Variants in TNNI3K observed in about 807,000 individuals in gnomAD.
TNNI3K encodes TNNI3 interacting kinase.
A neutral mutation model predicts 114.5 loss-of-function variants in TNNI3K; 140 were observed. That is an observed-to-expected ratio of 1.22 (90% CI 1.07 to 1.41). TNNI3K has a LOEUF of 1.41. Ranked by LOEUF, TNNI3K falls within the 40% of genes most tolerant of loss-of-function variation. The pLI is 0.00. For missense variants in TNNI3K, 1,125 were observed against 1,007.6 expected, an observed-to-expected ratio of 1.12 and a Z score of -1.58; for synonymous variants, 347 against 347.5, an observed-to-expected ratio of 1.00 and a Z score of 0.02.
chr1:74,491,924 A>T (rs1669097016), intron 22 of TNNI3K, among the ~76,000 whole-genome samples, 173 bp from the exon 23 acceptor site: 4 of 152,230 alleles, frequency 2.6e-5, no homozygotes, highest in Admixed American at 1.3e-4. Context: ...AAATTAAGCT[A>T]GGCAGATGTT....
Position 74,496,846 on chromosome 1 carries a change from A to G in TNNI3K, c.2351+4580A>G, listed in dbSNP as rs554338463. Among the ~76,000 whole-genome samples the G allele has an allele frequency of 3.0e-4, 45 of 152,324 alleles. 1 individual carries two copies. The South Asian group carries it at 5.0e-3, about 17-fold the overall frequency. ...CACAGGGTATGAAATCCCATCTTGT[A>G]CATGGATTACATCATGTAAATTTAG... On this transcript the variant is annotated intron_variant, in intron 23 of 24. Coordinates refer to ENST00000326637, the MANE Select transcript of TNNI3K (RefSeq NM_015978.3).
In TNNI3K at chr1:74,287,269, A is replaced by G. The variant is rs148749339; in HGVS notation, c.444+15561A>G. On this transcript the variant is annotated intron_variant, in intron 5 of 24. Coordinates refer to ENST00000326637, the MANE Select transcript of TNNI3K (RefSeq NM_015978.3). Reference sequence around the variant, plus strand: ...ATGCATTATTGAGGTCCAAGAAGAAACAGAGAAAGAGAAAGGGGAAGAAAG... The same window carrying G: ...ATGCATTATTGAGGTCCAAGAAGAAGCAGAGAAAGAGAAAGGGGAAGAAAG... 6.6e-4 allele frequency among the ~76,000 whole-genome samples: 101 copies of G among 152,310 alleles called. 2 individuals are homozygous for G. The East Asian group carries it at 0.017, about 26-fold the overall frequency.
At chr1:74,266,171 A>G (rs1655971151) in intron 4 of TNNI3K, among the ~76,000 whole-genome samples, 1 of 152,018 alleles carries the variant, frequency 6.6e-6, no homozygotes, top group Admixed American at 6.6e-5. Flanking sequence ...GAAAATGTGA[A>G]TGAATGGGTT....
intron 17 of TNNI3K, among the ~76,000 whole-genome samples, chr1:74,391,262 C>G (rs1441996951): frequency 6.6e-6 from 1 of 152,030 alleles, no homozygotes; most frequent in East Asian, 1.9e-4. Flanking sequence ...CTAGAATATT[C>G]TGAATGTATT....
chr1:74,403,777 T>A (rs1290246149), intron 17 of TNNI3K, among the ~76,000 whole-genome samples: 1 of 152,190 alleles, frequency 6.6e-6, no homozygotes, highest in Non-Finnish European at 1.5e-5. Flanking sequence ...TTGTTAAGAA[T>A]TCTTGTACAT....
At chr1:74,337,400 G>A (rs1016771379) in intron 7 of TNNI3K, among the ~76,000 whole-genome samples, 3 of 151,622 alleles carry the variant, frequency 2.0e-5, no homozygotes, top group Non-Finnish European at 4.4e-5. Flanking sequence ...ATTGCTTTTG[G>A]TGTTTTAGAC....
In TNNI3K at chr1:74,439,563, A is replaced by G. The variant is rs754437423; in HGVS notation, c.1952A>G (p.Tyr651Cys). The G allele has an allele frequency of 1.5e-5, 25 of 1,613,478 alleles. No homozygotes were observed. The highest frequency in any genetic ancestry group is 1.9e-5 in the Non-Finnish European group (23 of 1,179,704). The change falls in exon 20 of 25, where the codon TAT becomes TGT. Residue 651 changes from tyrosine to cysteine, a missense_variant. By Grantham distance (194) the Tyr-to-Cys change is radical. Coordinates refer to ENST00000326637, the MANE Select transcript of TNNI3K (RefSeq NM_015978.3). ...ACCATCAAAGCAGATGTCTTCAGCT[A>G]TGCTCTGTGTCTGTGGGAAATTCTC... ...RYTIKADVFS[Y>C]ALCLWEILTG...
intron 17 of TNNI3K, among the ~76,000 whole-genome samples, chr1:74,408,572 C>A (rs1236301286): frequency 6.6e-6 from 1 of 152,172 alleles, no homozygotes. Context: ...TCCAAGAAAT[C>A]TAAGTCTGTG....
intron 17 of TNNI3K, among the ~76,000 whole-genome samples, chr1:74,377,851 G>C (rs1662986326): frequency 6.6e-6 from 1 of 152,030 alleles, no homozygotes; most frequent in Non-Finnish European, 1.5e-5. Flanking sequence ...CCTATTCTGT[G>C]CCATGGGTAC....
intron 11 of TNNI3K, among the ~76,000 whole-genome samples, chr1:74,360,441 A>G (rs1186906537): frequency 2.6e-5 from 4 of 152,034 alleles, no homozygotes; most frequent in Admixed American, 2.0e-4. Flanking sequence ...TAGATCACCA[A>G]CATTCACTCA....
intron 23 of TNNI3K, among the ~76,000 whole-genome samples, chr1:74,538,888 T>C (rs764164838): frequency 6.6e-5 from 10 of 152,152 alleles, no homozygotes; most frequent in Non-Finnish European, 1.3e-4. Flanking sequence ...GAGAAGGGTA[T>C]GGGTTGAAGT....
chr1:74,261,729 C>A lies in TNNI3K; in HGVS notation c.334-9869C>A, dbSNP rs45562841. Among the ~76,000 whole-genome samples, 728 of 152,178 alleles carry A rather than the reference C, an allele frequency of 4.8e-3. 1 individual carries two copies. The highest frequency in any genetic ancestry group is 4.7e-3 in the Non-Finnish European group (318 of 67,974). On this transcript the variant is annotated intron_variant, in intron 4 of 24. Coordinates refer to ENST00000326637, the MANE Select transcript of TNNI3K (RefSeq NM_015978.3). Reference sequence around the variant, plus strand: ...ACAGACAAGCCACTTAGTGAAATTTCTTTAGTGAGAAAGAAGTAGCATTTT... The same window carrying A: ...ACAGACAAGCCACTTAGTGAAATTTATTTAGTGAGAAAGAAGTAGCATTTT...
intron 11 of TNNI3K, among the ~76,000 whole-genome samples, chr1:74,360,782 A>G (rs1388070618): frequency 6.6e-6 from 1 of 151,942 alleles, no homozygotes; most frequent in African/African-American, 2.4e-5. Context: ...TAGCACATAC[A>G]TCCTTTCTTT....
chr1:74,534,791 A>C (rs1646639601), intron 23 of TNNI3K, among the ~76,000 whole-genome samples: 1 of 152,128 alleles, frequency 6.6e-6, no homozygotes, highest in Non-Finnish European at 1.5e-5. Flanking sequence ...GCCTTATACA[A>C]CCTGTCATTC....
At chr1:74,315,038 A>C (rs1448690809) in intron 5 of TNNI3K, among the ~76,000 whole-genome samples, 2 of 152,194 alleles carry the variant, frequency 1.3e-5, no homozygotes, top group Non-Finnish European at 2.9e-5. Context: ...GCATATGAAG[A>C]ACATTACCGG....
At chr1:74,362,885 C>A (rs1466704438) in intron 11 of TNNI3K, among the ~76,000 whole-genome samples, 9 of 152,062 alleles carry the variant, frequency 5.9e-5, no homozygotes, top group Non-Finnish European at 2.9e-5. Flanking sequence ...AGATTTCAAG[C>A]TGGGAGAAGA....
intron 17 of TNNI3K, chr1:74,418,153 C>T (rs552212117): frequency 2.0e-5 from 9 of 452,736 alleles, no homozygotes; most frequent in South Asian, 1.2e-4. Flanking sequence ...CTTTCCTTTT[C>T]ACCCTCTCCT....
At chr1:74,466,295 C>T (rs1211181556) in intron 21 of TNNI3K, among the ~76,000 whole-genome samples, 4 of 152,034 alleles carry the variant, frequency 2.6e-5, no homozygotes, top group African/African-American at 9.7e-5. Context: ...ATCCCTTTTT[C>T]TTTGATGAAG....
chr1:74,384,562 C>A (rs1321351556), intron 17 of TNNI3K, among the ~76,000 whole-genome samples: 1 of 152,098 alleles, frequency 6.6e-6, no homozygotes, highest in Admixed American at 6.6e-5. Flanking sequence ...TCACAGGCAA[C>A]ATTTTATTTT....
Sources: allele counts gnomAD v4.1 joint callset (sites outside exome capture counted in the v4.1 genomes callset), GRCh38; gene constraint gnomAD v4.1.1; transcripts MANE v1.5; gene names NCBI Gene and HGNC (gene_info 2026-07-23, HGNC 2026-07-21).